Variants in MAP7D2 observed in about 807,000 individuals in gnomAD.
The protein encoded by MAP7D2 is MAP7 domain containing 2, also known as MAP7 domain-containing protein 2.
In MAP7D2, 33 loss-of-function variants were observed where a neutral mutation model predicts 63.5. The ratio of observed to expected loss-of-function variants is 0.52; its 90% CI spans 0.39 to 0.70. The LOEUF (loss-of-function observed/expected upper bound fraction) is 0.70. Among genes scored for constraint, MAP7D2 ranks in the 30% least tolerant of loss-of-function variants. The probability of loss-of-function intolerance (pLI) is 0.00; values close to 1 mark genes in which losing one functional copy is unlikely to be tolerated. For synonymous variants in MAP7D2, 224 were observed against 223.7 expected (o/e 1.00, Z -0.01); for missense variants, 626 against 604.0 (o/e 1.04, Z -0.38).
intron 1 of MAP7D2, among the ~76,000 whole-genome samples, chrX:20,092,571 G>A (rs780799513): frequency 4.5e-5 from 5 of 111,851 alleles, no homozygotes; most frequent in Middle Eastern, 9.2e-3. Flanking sequence ...TTCTTCCCCC[G>A]TCTTATAACT....
chrX:20,028,482 A>T (rs2073942975), intron 8 of MAP7D2, among the ~76,000 whole-genome samples: 1 of 112,371 alleles, frequency 8.9e-6, no homozygotes, highest in Non-Finnish European at 1.9e-5. Context: ...GCTTGCTCAC[A>T]CTGACAGTGC....
At chrX:20,055,756 G>A (rs1466213022) in intron 4 of MAP7D2, 4 of 999,077 alleles carry the variant, frequency 4.0e-6, no homozygotes, top group Non-Finnish European at 5.2e-6. Flanking sequence ...CGGCAGCTGC[G>A]GCAGTGGTCC....
intron 8 of MAP7D2, among the ~76,000 whole-genome samples, chrX:20,035,307 G>A (rs182056869): frequency 1.8e-5 from 2 of 111,432 alleles, no homozygotes; most frequent in Admixed American, 1.9e-4. Context: ...ATTAGGGCCT[G>A]TACTGTGCTC....
At chrX:20,039,251 C>G (rs985826813) in intron 8 of MAP7D2, among the ~76,000 whole-genome samples, 2 of 112,536 alleles carry the variant, frequency 1.8e-5, no homozygotes, top group African/African-American at 6.5e-5. Flanking sequence ...ATGCTTCTGC[C>G]AAGACTACCA....
chrX:20,094,574 A>G (rs1472979743), intron 1 of MAP7D2, among the ~76,000 whole-genome samples: 6 of 44,835 alleles, frequency 1.3e-4, no homozygotes, highest in South Asian at 1.2e-3. Context: ...ATATACATAT[A>G]TATGTATATA....
At position 20,052,316 on chromosome X, in the gene MAP7D2, G is replaced by A. The variant is rs1042394404; in HGVS notation, c.595+562C>T. 6.7e-5 allele frequency: 14 copies of A among 208,714 alleles called. No individual in the cohort carries two copies. In the East Asian group the frequency reaches 1.6e-3, roughly 24 times the overall value. 17.2% of individuals were successfully genotyped at this position (208,714 alleles called of 1,213,427 possible). On this transcript the variant is annotated intron_variant, in intron 5 of 16. Transcript: ENST00000379643. ...TACTCAGGTTCTGGAACTGGCACAC[G>A]TCCCATACACATCATCTCCTAACTC... is the stretch of plus-strand genomic sequence containing the variant.
Position 20,011,296 on chromosome X carries a change from C to T in MAP7D2, c.2073-244G>A, listed in dbSNP as rs768587042. Among the ~76,000 whole-genome samples the T allele has an allele frequency of 4.5e-5, 5 of 111,357 alleles. No individual in the cohort carries two copies. The East Asian group carries it at 1.1e-3, about 25-fold the overall frequency. On this transcript the variant is annotated intron_variant, in intron 15 of 16. Coordinates refer to ENST00000379643, the MANE Select transcript of MAP7D2 (RefSeq NM_001168465.2). ...AGCAGATTGAGCAGGGCTGTGATGG[C>T]CAAGGTCACATTGCCCAAAGGGTGA...
chrX:20,080,189 T>C (rs1253749404), intron 1 of MAP7D2, among the ~76,000 whole-genome samples: 1 of 110,697 alleles, frequency 9.0e-6, no homozygotes, highest in Non-Finnish European at 1.9e-5. Flanking sequence ...AAGAAACCTA[T>C]ACAGCTAAGC....
chrX:20,044,569 T>C (rs957456240), intron 6 of MAP7D2, 45 bp from the exon 7 acceptor site: 4 of 1,116,493 alleles, frequency 3.6e-6, no homozygotes, highest in Admixed American at 2.3e-5. Context: ...AGAGTACAGA[T>C]GGAAAAAGTA....
chrX:20,026,532 T>C (rs1385752746), intron 8 of MAP7D2, among the ~76,000 whole-genome samples: 1 of 111,878 alleles, frequency 8.9e-6, no homozygotes, highest in African/African-American at 3.3e-5. Context: ...CTGGCTTATT[T>C]TACTTAGCAA....
At chrX:20,066,894 G>A (rs764200245) in intron 1 of MAP7D2, among the ~76,000 whole-genome samples, 14 of 111,957 alleles carry the variant, frequency 1.3e-4, no homozygotes, top group African/African-American at 4.2e-4. Flanking sequence ...ATACAGCTCC[G>A]GCCACTGTCC....
In MAP7D2 at chrX:20,064,779, C is replaced by T. The variant is rs2065309077; in HGVS notation, c.157G>A (p.Glu53Lys). 1.7e-5 allele frequency: 21 copies of T among 1,208,720 alleles called. No individual in the cohort carries two copies. The highest frequency in any genetic ancestry group is 2.3e-5 in the Non-Finnish European group (21 of 894,038). ...QGMEGFLKSD[E>K]RQRLAKERRE... The stretch of plus-strand genomic sequence containing the variant: ...CTTTCTTTGGCCAATCTCTGCCTCT[C>T]ATCTGATTTCAAAAATCCCTCCATG... The change falls in exon 2 of 17, where the codon GAG (glutamate) becomes AAG (lysine). Residue 53 changes from glutamate to lysine, a missense_variant. By Grantham distance (56) the Glu-to-Lys change is moderately conservative. Coordinates refer to ENST00000379643, the MANE Select transcript of MAP7D2 (RefSeq NM_001168465.2).
intron 7 of MAP7D2, among the ~76,000 whole-genome samples, chrX:20,042,875 T>A (rs1429153622): frequency 8.9e-6 from 1 of 112,129 alleles, no homozygotes; most frequent in Non-Finnish European, 1.9e-5. Flanking sequence ...TTCAAAGAGT[T>A]AACAACTGAA....
At chrX:20,019,083 G>A (rs1313207950) in intron 10 of MAP7D2, among the ~76,000 whole-genome samples, 1 of 109,217 alleles carries the variant, frequency 9.2e-6, no homozygotes, top group East Asian at 2.9e-4. Context: ...TTGGAGTGCA[G>A]TGCTGCCATC....
At chrX:20,084,196 C>CAAA (rs112492302) in intron 1 of MAP7D2, among the ~76,000 whole-genome samples, 1 of 56,332 alleles carries the variant, frequency 1.8e-5, no homozygotes, top group Non-Finnish European at 3.8e-5. Flanking sequence ...GCAAGACTCA[C>CAAA]AAAAAAAAAA....
In MAP7D2 at chrX:20,095,134, C is replaced by T. The variant is rs181100107; in HGVS notation, c.130+21616G>A. ...CATGACCTCGTGAATATATTTAAAA[C>T]GACTGGGCTGTATGTACACTTTACA... On this transcript the variant is annotated intron_variant, in intron 1 of 16. Coordinates refer to ENST00000379643, the MANE Select transcript of MAP7D2 (RefSeq NM_001168465.2). Among the ~76,000 whole-genome samples the T allele has an allele frequency of 7.5e-4, 83 of 110,220 alleles. 1 individual carries two copies. Among genetic ancestry groups the T allele is most frequent in the East Asian group, 2.0e-3 (7 of 3,520 alleles).
intron 6 of MAP7D2, among the ~76,000 whole-genome samples, chrX:20,047,694 T>A (rs2064836363): frequency 9.3e-6 from 1 of 107,966 alleles, no homozygotes; most frequent in Non-Finnish European, 1.9e-5. Context: ...CACACACCTA[T>A]AGTCCTAGCT....
At chrX:20,092,677 G>A in intron 1 of MAP7D2, among the ~76,000 whole-genome samples, 1 of 111,953 alleles carries the variant, frequency 8.9e-6, no homozygotes, top group South Asian at 3.7e-4. Context: ...AAATGTGTAT[G>A]CCTTTTCTCT....
At chrX:20,116,657 C>A in intron 1 of MAP7D2, 93 bp downstream of exon 1, 1 of 1,042,586 alleles carries the variant, frequency 9.6e-7, no homozygotes, top group East Asian at 3.9e-5. Flanking sequence ...CCCCTTCCCC[C>A]CACGCTCGAG....
Sources: gnomAD v4.1 joint callset for allele counts (sites outside exome capture counted in the v4.1 genomes callset) on GRCh38, gnomAD v4.1.1 for gene constraint, MANE v1.5 for transcripts, NCBI Gene and HGNC (gene_info 2026-07-23, HGNC 2026-07-21) for gene names.